KCND2: variants seen among roughly 807,000 people sequenced by gnomAD.
The protein encoded by KCND2 is A-type voltage-gated potassium channel KCND2.
KCND2 carries 16 observed loss-of-function variants against 54.4 expected under a neutral mutation model. The observed-to-expected ratio is 0.29, with a 90% CI of 0.20 to 0.45. The LOEUF (loss-of-function observed/expected upper bound fraction) is 0.45. Among genes scored for constraint, KCND2 ranks in the 20% least tolerant of loss-of-function variants. KCND2 has a pLI of 1.00. For missense variants in KCND2, 486 were observed against 824.2 expected (o/e 0.59, Z 5.02); for synonymous variants, 317 against 310.7 (o/e 1.02, Z -0.21).
At chr7:120,627,730 T>C (rs1300508545) in intron 1 of KCND2, among the ~76,000 whole-genome samples, 1 of 152,048 alleles carries the variant, frequency 6.6e-6, no homozygotes, top group Non-Finnish European at 1.5e-5. Context: ...TATTTCATGC[T>C]TATAGAATTG....
chr7:120,273,428 C>T lies in KCND2; in HGVS notation c.-1205C>T, dbSNP rs559392054. Among the ~76,000 whole-genome samples, 2,130 of 148,274 alleles carry T rather than the reference C, an allele frequency of 0.014. 55 individuals carry two copies. The highest frequency in any genetic ancestry group is 0.047 in the African/African-American group (1,943 of 41,128). On this transcript the variant is annotated 5_prime_UTR_variant, in exon 1 of 6. Transcript: ENST00000331113. ...CCGCCCGGCCGCCCCGCAGCCCCGC[C>T]GCCCCGCAGCCCCGCACCGCGCTGG...
At chr7:120,591,652 T>G (rs1332504224) in intron 1 of KCND2, among the ~76,000 whole-genome samples, 1 of 152,216 alleles carries the variant, frequency 6.6e-6, no homozygotes, top group Non-Finnish European at 1.5e-5. Context: ...TAAAGAGCTC[T>G]CAAGCAATAT....
chr7:120,475,107 G>A (rs1241338201), intron 1 of KCND2, among the ~76,000 whole-genome samples: 1 of 152,120 alleles, frequency 6.6e-6, no homozygotes, highest in Non-Finnish European at 1.5e-5. Flanking sequence ...AATCCTAACT[G>A]CCTTCAGACC....
chr7:120,318,465 G>T (rs1393739099), intron 1 of KCND2, among the ~76,000 whole-genome samples: 2 of 152,008 alleles, frequency 1.3e-5, no homozygotes, highest in Non-Finnish European at 2.9e-5. Context: ...CCAAAACTGT[G>T]CTGAATCAAT....
chr7:120,397,198 G>A (rs114647250), intron 1 of KCND2, among the ~76,000 whole-genome samples: 226 of 152,102 alleles, frequency 1.5e-3, no homozygotes, highest in African/African-American at 5.0e-3. Context: ...ACTAATATTA[G>A]CACAAATCAA....
At chr7:120,349,297 TACAC>T (rs778393742) in intron 1 of KCND2, among the ~76,000 whole-genome samples, 2 of 141,080 alleles carry the variant, frequency 1.4e-5, no homozygotes, top group East Asian at 2.2e-4. Context: ...TAAGCTGCTA[TACAC>T]ACACACAAAC....
chr7:120,661,774 A>T (rs545594122), intron 1 of KCND2, among the ~76,000 whole-genome samples: 4 of 152,258 alleles, frequency 2.6e-5, no homozygotes, highest in African/African-American at 9.6e-5. Flanking sequence ...AGGGTAACCT[A>T]CTCTGTGAGT....
At chr7:120,481,851 G>T (rs566260375) in intron 1 of KCND2, among the ~76,000 whole-genome samples, 3 of 152,190 alleles carry the variant, frequency 2.0e-5, no homozygotes, top group African/African-American at 7.2e-5. Context: ...ACTTCACCTA[G>T]ATTTCAAAGG....
chr7:120,344,099 T>C (rs2116370693), intron 1 of KCND2, among the ~76,000 whole-genome samples: 1 of 152,316 alleles, frequency 6.6e-6, no homozygotes, highest in African/African-American at 2.4e-5. Flanking sequence ...GGAATCCTAT[T>C]TCCTATTGTC....
intron 1 of KCND2, among the ~76,000 whole-genome samples, chr7:120,470,082 A>T (rs935427640): frequency 2.0e-5 from 3 of 152,082 alleles, no homozygotes; most frequent in Non-Finnish European, 2.9e-5. Flanking sequence ...CATAGACATG[A>T]TATCTAAAAT....
chr7:120,323,422 G>A (rs1348541889), intron 1 of KCND2, among the ~76,000 whole-genome samples: 1 of 151,806 alleles, frequency 6.6e-6, no homozygotes, highest in Non-Finnish European at 1.5e-5. Flanking sequence ...AGCATTAGGT[G>A]TATCTCCCAC....
intron 1 of KCND2, among the ~76,000 whole-genome samples, chr7:120,372,327 A>G (rs1800776155): frequency 2.0e-5 from 3 of 151,800 alleles, no homozygotes; most frequent in Admixed American, 6.6e-5. Flanking sequence ...ATAGATCTAG[A>G]AGTGGTATAA....
At chr7:120,504,043 A>C (rs904536770) in intron 1 of KCND2, among the ~76,000 whole-genome samples, 1 of 151,994 alleles carries the variant, frequency 6.6e-6, no homozygotes, top group Admixed American at 6.6e-5. Flanking sequence ...ATAAATAATG[A>C]AAGAGATTTG....
chr7:120,622,973 G>A (rs1293022727), intron 1 of KCND2, among the ~76,000 whole-genome samples: 1 of 152,000 alleles, frequency 6.6e-6, no homozygotes, highest in Admixed American at 6.6e-5. Flanking sequence ...CTCAAATTTA[G>A]GAGACATTTT....
intron 1 of KCND2, among the ~76,000 whole-genome samples, chr7:120,418,021 A>AT (rs1034260639): frequency 1.3e-5 from 2 of 152,176 alleles, no homozygotes; most frequent in Non-Finnish European, 2.9e-5. Flanking sequence ...TTCAAGAAAC[A>AT]TTTTTTGTTG....
At chr7:120,403,828 G>A (rs972291937) in intron 1 of KCND2, among the ~76,000 whole-genome samples, 1 of 151,612 alleles carries the variant, frequency 6.6e-6, no homozygotes, top group African/African-American at 2.4e-5. Context: ...ACTGTTTTTT[G>A]TTTAGTGAAA....
intron 1 of KCND2, among the ~76,000 whole-genome samples, chr7:120,547,386 G>A (rs1009234071): frequency 2.6e-5 from 4 of 151,766 alleles, no homozygotes; most frequent in East Asian, 3.9e-4. Context: ...TGTAAAAGTC[G>A]GTTTTTGTAG....
chr7:120,411,858 C>G (rs1801455306), intron 1 of KCND2, among the ~76,000 whole-genome samples: 1 of 151,828 alleles, frequency 6.6e-6, no homozygotes, highest in Non-Finnish European at 1.5e-5. Flanking sequence ...AGTCTTAGCT[C>G]TTTTGACTAG....
At chr7:120,686,129 A>G (rs1792198294) in intron 1 of KCND2, among the ~76,000 whole-genome samples, 1 of 152,152 alleles carries the variant, frequency 6.6e-6, no homozygotes, top group Non-Finnish European at 1.5e-5. Flanking sequence ...CCACATAAGA[A>G]CCCGGATTCT....
Sources: gnomAD v4.1 joint callset for allele counts (sites outside exome capture counted in the v4.1 genomes callset) on GRCh38, gnomAD v4.1.1 for gene constraint, MANE v1.5 for transcripts, NCBI Gene and HGNC (gene_info 2026-07-23, HGNC 2026-07-21) for gene names.